The following NDUFS2 variants were observed in gnomAD, a reference collection of about 807,000 sequenced individuals.
NDUFS2 encodes NADH dehydrogenase [ubiquinone] iron-sulfur protein 2, mitochondrial.
Under a neutral mutation model 69.6 loss-of-function variants are expected in NDUFS2, and 38 were observed. That is an observed-to-expected ratio of 0.55 (90% CI 0.42 to 0.72). The LOEUF (loss-of-function observed/expected upper bound fraction) is 0.72, where lower values mean the gene tolerates loss of function less well. NDUFS2 is among the 30% of genes least tolerant of loss of function. NDUFS2 has a pLI of 0.00. For synonymous variants in NDUFS2, 194 were observed against 211.2 expected, an observed-to-expected ratio of 0.92 and a Z score of 0.70; for missense variants, 468 against 595.0, an observed-to-expected ratio of 0.79 and a Z score of 2.22.
rs764933752 is a variant in NDUFS2 at position 161,206,397 on chromosome 1, T to A, written c.203-10T>A. On this transcript the variant is annotated splice_polypyrimidine_tract_variant and intron_variant, in intron 2 of 13. Transcript: ENST00000676972. ...AACCATGTGGCTCTGAACTATTTCT[T>A]ACTTCTCAGATGTGGACCCTCCAAA... The A allele has an allele frequency of 1.2e-5, 19 of 1,614,144 alleles. No homozygotes were observed. The South Asian group carries it at 2.0e-4, about 17-fold the overall frequency.
chr1:161,198,038 T>C, upstream of NDUFS2: 2 of 1,594,298 alleles, frequency 1.3e-6, no homozygotes, highest in Non-Finnish European at 1.7e-6. This position sits in a 1 kb window ranked among gnomAD's most constrained non-coding sequence, Gnocchi z 4.7. Flanking sequence ...AAGAGGAGCC[T>C]TGACGTTGCA....
intron 3 of NDUFS2, among the ~76,000 whole-genome samples, chr1:161,208,547 G>A (rs745865141): frequency 5.9e-5 from 9 of 152,174 alleles, no homozygotes; most frequent in South Asian, 4.1e-4. Flanking sequence ...TGATCTACCC[G>A]CCTCGGCCTC....
intron 10 of NDUFS2, among the ~76,000 whole-genome samples, chr1:161,212,902 T>G (rs1665848791): frequency 6.6e-6 from 1 of 151,934 alleles, no homozygotes; most frequent in Admixed American, 6.6e-5. Context: ...ATTCGGGTTT[T>G]TTTTATTTTT....
At chr1:161,201,796 G>T (rs960435182), upstream of NDUFS2, among the ~76,000 whole-genome samples, 1 of 152,180 alleles carries the variant, frequency 6.6e-6, no homozygotes, top group Admixed American at 6.5e-5. Flanking sequence ...CGGCGGCCTT[G>T]GCATCCTATT....
At position 161,202,424 on chromosome 1, in the gene NDUFS2, C is replaced by T. The variant is rs139722814; in HGVS notation, c.39C>T (p.Val13=). ...ALRALCGFRG[V]AAQVLRPGAG... ...GGGCTTTGTGCGGCTTCCGGGGCGT[C>T]GCGGCCCAGGTGCTGCGGCCTGGGG... Residue 13 remains valine (V), a synonymous_variant, in exon 1 of 14, where the codon GTC becomes GTT. Transcript: ENST00000676972. 6.8e-6 allele frequency: 11 copies of T among 1,612,870 alleles called. No homozygotes were observed. The South Asian group carries it at 9.9e-5, about 15-fold the overall frequency.
chr1:161,198,328 G>A (rs1342988710), upstream of NDUFS2: 10 of 1,613,104 alleles, frequency 6.2e-6, no homozygotes, highest in African/African-American at 2.7e-5. This position sits in a 1 kb window ranked among gnomAD's most constrained non-coding sequence, Gnocchi z 4.7. Flanking sequence ...CCTGCACACC[G>A]GAGTCCTGCT....
At position 161,214,335 on chromosome 1, in the gene NDUFS2, G is replaced by C; in HGVS notation, c.*142G>C. ...TACACTTGGCTGTCAGGCTTTCTGTGCATGTACTAAAAAAGGAGAAATTAT... is the reference window on the plus strand; with the variant it reads ...TACACTTGGCTGTCAGGCTTTCTGTCCATGTACTAAAAAAGGAGAAATTAT... On this transcript the variant is annotated 3_prime_UTR_variant, in exon 14 of 14. Transcript: ENST00000676972. The C allele has an allele frequency of 1.2e-6, 1 of 832,662 alleles. No individual in the cohort carries two copies. Among genetic ancestry groups the C allele is most frequent in the Non-Finnish European group, 2.0e-6 (1 of 505,702 alleles). 51.6% of individuals were successfully genotyped at this position (832,662 alleles called of 1,614,324 possible). A position where few individuals can be genotyped will look rare whatever the true frequency, so the allele number is the denominator to read the frequency against.
At chr1:161,207,074 A>G (rs570768816) in intron 3 of NDUFS2, among the ~76,000 whole-genome samples, 3 of 152,364 alleles carry the variant, frequency 2.0e-5, no homozygotes, top group African/African-American at 7.2e-5. Context: ...GGAGAACTGT[A>G]TAACCCAAAT....
At chr1:161,209,986 G>A (rs1347191387) in intron 6 of NDUFS2, 55 bp downstream of exon 6, 1 of 1,605,516 alleles carries the variant, frequency 6.2e-7, no homozygotes, top group African/African-American at 1.3e-5. Context: ...TTTCCCTGTG[G>A]CCACTGGAGG....
At position 161,209,947 on chromosome 1, in the gene NDUFS2, G is replaced by T. The variant is rs945787878; in HGVS notation, c.702+16G>T. ...AGTGCACCAGGTGAGCAGGTCCCCG[G>T]CTTCCCCAAATGTCCAGCCCAGGCC... On this transcript the variant is annotated intron_variant, in intron 6 of 13. Transcript: ENST00000676972. 1.2e-6 allele frequency: 2 copies of T among 1,613,768 alleles called. No homozygotes were observed. The highest frequency in any genetic ancestry group is 4.5e-5 in the East Asian group (2 of 44,886).
chr1:161,202,421 C>G lies in NDUFS2; in HGVS notation c.36C>G (p.Gly12=). ...AALRALCGFR[G]VAAQVLRPGA... is the part of the protein sequence containing the mutation. Reference sequence around the variant, plus strand: ...TGAGGGCTTTGTGCGGCTTCCGGGGCGTCGCGGCCCAGGTGCTGCGGCCTG... The same window carrying G: ...TGAGGGCTTTGTGCGGCTTCCGGGGGGTCGCGGCCCAGGTGCTGCGGCCTG... Residue 12 remains glycine (G), a synonymous_variant, in exon 1 of 14, where the codon GGC becomes GGG. Coordinates refer to ENST00000676972, the MANE Select transcript of NDUFS2 (RefSeq NM_001377299.1). 3 of 1,612,824 alleles carry G rather than the reference C, an allele frequency of 1.9e-6. No homozygotes were observed. Among genetic ancestry groups the G allele is most frequent in the Non-Finnish European group, 2.5e-6 (3 of 1,179,716 alleles).
chr1:161,207,719 A>G (rs1665543610), intron 3 of NDUFS2, among the ~76,000 whole-genome samples: 1 of 149,604 alleles, frequency 6.7e-6, no homozygotes, highest in African/African-American at 2.5e-5. Context: ...ACAGAGCAAG[A>G]CTGTGTCTCA....
chr1:161,201,427 G>C (rs998977919), upstream of NDUFS2, among the ~76,000 whole-genome samples: 28 of 152,226 alleles, frequency 1.8e-4, no homozygotes, highest in African/African-American at 6.0e-4. Context: ...TCTACGGGTG[G>C]GTGGCCCAGC....
chr1:161,207,809 TTTTG>T (rs1278195126), intron 3 of NDUFS2, among the ~76,000 whole-genome samples: 3 of 151,494 alleles, frequency 2.0e-5, no homozygotes, highest in Non-Finnish European at 4.4e-5. Context: ...ATCTGAAGTT[TTTTG>T]TTTGTTTTGT....
chr1:161,210,237 G>C, intron 7 of NDUFS2, 49 bp downstream of exon 7: 2 of 1,609,926 alleles, frequency 1.2e-6, no homozygotes, highest in Non-Finnish European at 1.7e-6. Flanking sequence ...AGAAGGGCTA[G>C]AGAAATACAG....
At chr1:161,210,411 T>C in intron 8 of NDUFS2, 22 bp downstream of exon 8, 1 of 1,608,158 alleles carries the variant, frequency 6.2e-7, no homozygotes, top group Non-Finnish European at 8.5e-7. Context: ...ACAACTTCTC[T>C]CCGTAGGAGT....
Position 161,203,496 on chromosome 1 carries a change from T to C in NDUFS2, c.155T>C (p.Met52Thr), listed in dbSNP as rs947122025. ...EWAQQFGGAV[M>T]YPSKETAHWK... ...GCACAGCAGTTTGGGGGAGCTGTTA[T>C]GTACCCAAGCAAAGAAACAGCCCAC... The change falls in exon 2 of 14, where the codon ATG (methionine) becomes ACG (threonine). Residue 52 changes from methionine (M) to threonine (T), a missense_variant. By Grantham distance (81) the Met-to-Thr change is moderately conservative. Coordinates refer to ENST00000676972, the MANE Select transcript of NDUFS2 (RefSeq NM_001377299.1). 25 of 1,613,978 alleles carry C rather than the reference T, an allele frequency of 1.5e-5. No homozygotes were observed. Among genetic ancestry groups the C allele is most frequent in the Non-Finnish European group, 1.9e-5 (23 of 1,180,022 alleles).
chr1:161,209,663 CAGG>C lies in NDUFS2; in HGVS notation c.627+71_627+73del, dbSNP rs967403250. The C allele has an allele frequency of 1.6e-5, 22 of 1,358,326 alleles. No homozygotes were observed. The African/African-American group carries it at 2.9e-4, about 18-fold the overall frequency. The allele number at this position is 1,358,326 out of a possible 1,614,324, so 84.1% of individuals were successfully genotyped here. A position where few individuals can be genotyped will look rare whatever the true frequency, so the allele number is the denominator to read the frequency against. ...GGAAGTAGAGAAGGTATAAAGGAGA[CAGG>C]AGATTAAAAGAAGAGAGAGAACATG... On this transcript the variant is annotated intron_variant, in intron 5 of 13. Coordinates refer to ENST00000676972, the MANE Select transcript of NDUFS2 (RefSeq NM_001377299.1).
intron 3 of NDUFS2, among the ~76,000 whole-genome samples, chr1:161,207,434 G>T (rs1480143969): frequency 6.6e-6 from 1 of 152,150 alleles, no homozygotes; most frequent in Non-Finnish European, 1.5e-5. Flanking sequence ...TCTGGAGGAA[G>T]GACCATTTCT....
Sources: allele counts gnomAD v4.1 joint callset (sites outside exome capture counted in the v4.1 genomes callset), GRCh38; gene constraint gnomAD v4.1.1; non-coding constraint Gnocchi (gnomAD v3.1); transcripts MANE v1.5; gene names NCBI Gene and HGNC (gene_info 2026-07-23, HGNC 2026-07-21).